UMODL1: variants seen among roughly 807,000 people sequenced by gnomAD.
UMODL1 encodes the protein uromodulin-like 1.
In UMODL1, 128 loss-of-function variants were observed where a neutral mutation model predicts 136.3. The observed-to-expected ratio is 0.94, with a 90% CI of 0.81 to 1.09. The LOEUF is 1.09. UMODL1 is among the 50% of genes least tolerant of loss of function. The pLI is 0.00. For missense variants in UMODL1, 1,766 were observed against 1,725.6 expected (o/e 1.02, Z -0.41); for synonymous variants, 721 against 720.0 (o/e 1.00, Z -0.02).
chr21:42,111,794 CG>C, intron 12 of UMODL1, 84 bp downstream of exon 12: 5 of 1,350,006 alleles, frequency 3.7e-6, no homozygotes, highest in Non-Finnish European at 4.0e-6. Context: ...CTCCTGCAGC[CG>C]TGGAGTCGCA....
chr21:42,090,233 A>C lies in UMODL1; in HGVS notation c.791-65A>C, dbSNP rs2066474873. 1.9e-6 allele frequency: 3 copies of C among 1,603,036 alleles called. No individual in the cohort carries two copies. In the Admixed American group the frequency reaches 5.0e-5, roughly 27 times the overall value. On this transcript the variant is annotated intron_variant, in intron 5 of 22. Transcript: ENST00000408910. ...GAGTCCACAGAGGCCGTGTGTGTGCAGGTAGATGAAGATGACGAGGTAGCT... is the reference window on the plus strand; with the variant it reads ...GAGTCCACAGAGGCCGTGTGTGTGCCGGTAGATGAAGATGACGAGGTAGCT...
At position 42,111,699 on chromosome 21, in the gene UMODL1, C is replaced by A. The variant is rs755933791; in HGVS notation, c.2093C>A (p.Thr698Asn). 8.7e-6 allele frequency: 14 copies of A among 1,610,740 alleles called. No homozygotes were observed. The South Asian group carries it at 1.4e-4, about 16-fold the overall frequency. Reference sequence around the variant, plus strand: ...ACCTCCACCCTCACAGCTCTGAAGACCCCCGCCTGTGGTGAGTTCCTCGAA... The same window carrying A: ...ACCTCCACCCTCACAGCTCTGAAGAACCCCGCCTGTGGTGAGTTCCTCGAA... ...PLTSTLTALK[T>N]PACVPVSIGR... is the part of the protein sequence containing the mutation. Residue 698 changes from threonine (T) to asparagine (N), a missense_variant, in exon 12 of 23, where the codon ACC (threonine) becomes AAC (asparagine). Physicochemically the swap from Thr to Asn is moderately conservative, Grantham distance 65. Transcript: ENST00000408910.
rs2066980160 is a variant in UMODL1 at position 42,122,107 on chromosome 21, G to C, written c.2828-724G>C. Among the ~76,000 whole-genome samples, 1 of 152,182 alleles carries C rather than the reference G, an allele frequency of 6.6e-6. No individual in the cohort carries two copies. The highest frequency in any genetic ancestry group is 1.5e-5 in the Non-Finnish European group (1 of 68,028). On this transcript the variant is annotated intron_variant, in intron 16 of 22. Transcript: ENST00000408910. The surrounding 1 kb of genome is among the most constrained non-coding windows in gnomAD (Gnocchi z 4.3). ...GGAGTGAGCTGGGTGGAGCTGCAGG[G>C]TGCTGGGGCTGGGCAAGCCCCACTC... is the stretch of plus-strand genomic sequence containing the variant.
chr21:42,077,048 TGTGTGTGTGTGTGTGTGTG>T (rs2066302373), intron 2 of UMODL1, among the ~76,000 whole-genome samples: 1 of 141,410 alleles, frequency 7.1e-6, no homozygotes, highest in Non-Finnish European at 1.5e-5. Context: ...TGTGTGTGTG[TGTGTGTGTGTGTGTGTGTG>T]GTGGCTGCTA....
chr21:42,142,667 G>A lies in UMODL1; in HGVS notation c.*593G>A, dbSNP rs977134686. On this transcript the variant is annotated 3_prime_UTR_variant, in exon 23 of 23. Coordinates refer to ENST00000408910, the MANE Select transcript of UMODL1 (RefSeq NM_001004416.3). Reference sequence around the variant, plus strand: ...ACCAAGGTATTGCTTTTATTTACACGACAGCGACTCAAAAGGCACTCGATT... The same window carrying A: ...ACCAAGGTATTGCTTTTATTTACACAACAGCGACTCAAAAGGCACTCGATT... The A allele has an allele frequency of 6.6e-6, 1 of 152,138 alleles. No homozygotes were observed. Among genetic ancestry groups the A allele is most frequent in the Non-Finnish European group, 1.5e-5 (1 of 68,020 alleles). The allele number at this position is 152,138 out of a possible 1,614,324, so 9.4% of individuals were successfully genotyped here.
intron 1 of UMODL1, among the ~76,000 whole-genome samples, chr21:42,072,897 G>T (rs1253984826): frequency 6.6e-6 from 1 of 152,224 alleles, no homozygotes; most frequent in Non-Finnish European, 1.5e-5. Flanking sequence ...TCTGCTAACT[G>T]CTTTCTTCTC....
intron 21 of UMODL1, among the ~76,000 whole-genome samples, chr21:42,130,538 T>A (rs1031103146): frequency 6.6e-6 from 1 of 152,196 alleles, no homozygotes; most frequent in African/African-American, 2.4e-5. Flanking sequence ...AGAAATAGCG[T>A]CCCCAGGTTT....
At chr21:42,078,970 G>A (rs2146427554) in intron 2 of UMODL1, among the ~76,000 whole-genome samples, 1 of 152,318 alleles carries the variant, frequency 6.6e-6, no homozygotes, top group South Asian at 2.1e-4. Context: ...CCACTCCTAG[G>A]GGATAGCGGG....
rs1352897641 is a variant in UMODL1 at position 42,137,533 on chromosome 21, T to C, written c.3870T>C (p.Leu1290=). Reference sequence around the variant, plus strand: ...TGCTGGTGGCGGGAACAGCCACCCTTCTGATCGTGCGCTACCAGAGAATGA... The same window carrying C: ...TGCTGGTGGCGGGAACAGCCACCCTCCTGATCGTGCGCTACCAGAGAATGA... The part of the protein sequence containing the change: ...IFVLVAGTAT[L]LIVRYQRMNG... The change falls in exon 22 of 23, where the codon CTT becomes CTC. Residue 1290 remains leucine, a synonymous_variant. Transcript: ENST00000408910. 2.5e-6 allele frequency: 4 copies of C among 1,614,124 alleles called. No homozygotes were observed. The highest frequency in any genetic ancestry group is 3.4e-6 in the Non-Finnish European group (4 of 1,180,048).
At chr21:42,111,205 G>A (rs780348629) in intron 11 of UMODL1, 84 bp downstream of exon 11, 16 of 1,530,734 alleles carry the variant, frequency 1.0e-5, no homozygotes, top group Non-Finnish European at 1.4e-5. Context: ...CCAGCCAGGG[G>A]AGCCTCAGAC....
chr21:42,094,443 T>A (rs1177017910), intron 6 of UMODL1, among the ~76,000 whole-genome samples: 2 of 152,206 alleles, frequency 1.3e-5, no homozygotes, highest in South Asian at 2.1e-4. Context: ...TGTTCCTAGC[T>A]GTGGTTGGGG....
rs2066593845 is a variant in UMODL1, at chr21:42,099,048, T to C, written c.1054T>C (p.Leu352=). The change falls in exon 7 of 23, where the codon TTG becomes CTG. Residue 352 remains leucine (L), a synonymous_variant. Transcript: ENST00000408910. The surrounding 1 kb of genome is among the most constrained non-coding windows in gnomAD (Gnocchi z 4.1). The stretch of plus-strand genomic sequence containing the variant: ...TGTCCGGGTTTACCGGGGTATGGAG[T>C]TGCTCAGGAGCGCCAGGACACAGAG... ...FHVRVYRGME[L]LRSARTQSQA... 1.2e-6 allele frequency: 2 copies of C among 1,613,786 alleles called. No individual in the cohort carries two copies. Among genetic ancestry groups the C allele is most frequent in the South Asian group, 1.1e-5 (1 of 91,064 alleles).
At chr21:42,068,386 G>A (rs983836112), upstream of UMODL1, among the ~76,000 whole-genome samples, 2 of 152,156 alleles carry the variant, frequency 1.3e-5, no homozygotes, top group Non-Finnish European at 1.5e-5. The surrounding 1 kb of genome is among the most constrained non-coding windows in gnomAD (Gnocchi z 5.5). Context: ...CACACACCCC[G>A]AGAAACAGGG....
chr21:42,090,540 A>G, intron 6 of UMODL1, 102 bp downstream of exon 6: 1 of 1,411,588 alleles, frequency 7.1e-7, no homozygotes, highest in African/African-American at 1.4e-5. Context: ...TCACCCCGAG[A>G]TAACTCTGCC....
chr21:42,130,761 A>T (rs149192306), intron 21 of UMODL1, among the ~76,000 whole-genome samples: 45 of 151,456 alleles, frequency 3.0e-4, no homozygotes, highest in African/African-American at 1.1e-3. Flanking sequence ...CTGGCTTCCC[A>T]GGACACCATG....
Position 42,131,579 on chromosome 21 carries a change from C to A in UMODL1, c.3775+1782C>A, listed in dbSNP as rs540514750. 1.5e-3 allele frequency among the ~76,000 whole-genome samples: 111 copies of A among 73,402 alleles called. 3 individuals are homozygous for A. The highest frequency in any genetic ancestry group is 2.8e-3 in the Admixed American group (19 of 6,714). The allele number at this position is 73,402 out of a possible 152,430, so 48.2% of individuals were successfully genotyped here. On this transcript the variant is annotated intron_variant, in intron 21 of 22. Transcript: ENST00000408910. ...AGGTCTCGGCCATGAAGCTGGGGAG[C>A]AGGAGGAGGGAGGTCTCGGCCATGA... is the stretch of plus-strand genomic sequence containing the variant.
intron 17 of UMODL1, among the ~76,000 whole-genome samples, chr21:42,124,736 T>C (rs2067029242): frequency 6.6e-6 from 1 of 152,036 alleles, no homozygotes. Flanking sequence ...GCGGGAACTC[T>C]GGGCCCTGGG....
At chr21:42,091,557 G>A (rs995292154) in intron 6 of UMODL1, among the ~76,000 whole-genome samples, 3 of 152,238 alleles carry the variant, frequency 2.0e-5, no homozygotes, top group Non-Finnish European at 4.4e-5. Context: ...GAAGGTGGTG[G>A]AGAAAGGGAT....
rs1251712608 is a variant in UMODL1 at position 42,129,753 on chromosome 21, C to T, written c.3731C>T (p.Ser1244Phe). 4 of 1,595,148 alleles carry T rather than the reference C, an allele frequency of 2.5e-6. No individual in the cohort carries two copies. In the Admixed American group the frequency reaches 7.1e-5, roughly 28 times the overall value. ...CGGTTGCTGCAAAATAGTGAAACCT[C>T]TGCCACACACCAGATGTCCTGGGGA... ...NFRLLQNSET[S>F]ATHQMSWGPL... Residue 1244 changes from serine (S) to phenylalanine (F), a missense_variant, in exon 21 of 23, where the codon TCT becomes TTT. Transcript: ENST00000408910.
Sources: gnomAD v4.1 joint callset for allele counts (sites outside exome capture counted in the v4.1 genomes callset) on GRCh38, gnomAD v4.1.1 for gene constraint, Gnocchi (gnomAD v3.1) non-coding constraint, MANE v1.5 for transcripts, NCBI Gene and HGNC (gene_info 2026-07-23, HGNC 2026-07-21) for gene names.